SAMMSON: variants seen among roughly 807,000 people sequenced by gnomAD.
SAMMSON encodes the protein survival associated mitochondrial melanoma specific oncogenic non-coding RNA, also known as long intergenic non-protein coding RNA 1212.
At chr3:70,099,800 T>C (rs1488036012) in intron 4 of SAMMSON, among the ~76,000 whole-genome samples, 5 of 152,170 alleles carry the variant, frequency 3.3e-5, no homozygotes, top group Non-Finnish European at 5.9e-5. Context: ...CTTTGGCTGG[T>C]TAACATTTAT....
chr3:70,205,268 G>T (rs868361248), intron 4 of SAMMSON: 17 of 152,034 alleles, frequency 1.1e-4, no homozygotes, highest in African/African-American at 3.6e-4. Context: ...CTGTGTCGAG[G>T]TAGTGACATT....
chr3:70,099,814 T>A (rs1489788866), intron 4 of SAMMSON, among the ~76,000 whole-genome samples: 1 of 152,158 alleles, frequency 6.6e-6, no homozygotes, highest in East Asian at 1.9e-4. Flanking sequence ...CATTTATTAC[T>A]TTTTCATAAC....
intron 4 of SAMMSON, among the ~76,000 whole-genome samples, chr3:70,170,442 A>G (rs1040165027): frequency 5.3e-5 from 8 of 151,864 alleles, no homozygotes; most frequent in African/African-American, 1.9e-4. Flanking sequence ...CTTGAATTTA[A>G]AATTCATTAA....
At chr3:70,126,244 G>A in intron 4 of SAMMSON, 1 of 1,021,386 alleles carries the variant, frequency 9.8e-7, no homozygotes, top group East Asian at 2.6e-5. Flanking sequence ...TCTTCAACAG[G>A]GTCATCAGAC....
intron 7 of SAMMSON, among the ~76,000 whole-genome samples, chr3:70,327,563 C>G (rs1337165199): frequency 6.6e-6 from 1 of 152,132 alleles, no homozygotes; most frequent in African/African-American, 2.4e-5. Flanking sequence ...AAGTCTTCAG[C>G]AAAATATGGC....
chr3:70,340,198 C>T (rs911771030), intron 7 of SAMMSON, among the ~76,000 whole-genome samples: 3 of 140,614 alleles, frequency 2.1e-5, no homozygotes, highest in African/African-American at 8.1e-5. Context: ...ACAATGAGAA[C>T]ACTTGGACAC....
intron 4 of SAMMSON, among the ~76,000 whole-genome samples, chr3:70,184,464 G>T (rs1701077112): frequency 6.6e-6 from 1 of 152,066 alleles, no homozygotes; most frequent in Non-Finnish European, 1.5e-5. Context: ...GGTAAAGAAG[G>T]GTTTAACTTT....
intron 2 of SAMMSON, among the ~76,000 whole-genome samples, chr3:70,420,128 T>A (rs1028146961): frequency 9.9e-5 from 15 of 152,210 alleles, no homozygotes; most frequent in Non-Finnish European, 1.8e-4. Flanking sequence ...TGTCCTTGGA[T>A]AGTAGAGGTG....
rs1013634391 is a variant in SAMMSON at position 70,273,326 on chromosome 3, A to G, written n.675-17853A>G. ...TACTCTAAGGAAAATATGTGTTTAT[A>G]TAGTACTTATCACCTCTTTTTTCTT... On this transcript the variant is annotated intron_variant and non_coding_transcript_variant, in intron 6 of 9. Transcript: ENST00000642114. Among the ~76,000 whole-genome samples, 17 of 152,310 alleles carry G rather than the reference A, an allele frequency of 1.1e-4. No individual in the cohort carries two copies. In the East Asian group the frequency reaches 2.1e-3, roughly 19 times the overall value.
At chr3:70,070,439 A>T (rs1331901458) in intron 3 of SAMMSON, 1 of 152,038 alleles carries the variant, frequency 6.6e-6, no homozygotes, top group African/African-American at 2.4e-5. Context: ...AAAATAAAAT[A>T]AATTGTTTTG....
intron 3 of SAMMSON, among the ~76,000 whole-genome samples, chr3:70,070,793 G>A (rs2067226602): frequency 6.6e-6 from 1 of 152,014 alleles, no homozygotes; most frequent in Admixed American, 6.6e-5. Flanking sequence ...TATATTGAAA[G>A]ACATCGTCTT....
intron 4 of SAMMSON, among the ~76,000 whole-genome samples, chr3:70,203,652 G>C (rs1472510019): frequency 1.3e-5 from 2 of 152,118 alleles, no homozygotes; most frequent in Non-Finnish European, 2.9e-5. Flanking sequence ...GAAATTTACA[G>C]TGTAGAAAAT....
chr3:70,340,330 A>T (rs1010807081), intron 7 of SAMMSON, among the ~76,000 whole-genome samples: 1 of 151,832 alleles, frequency 6.6e-6, no homozygotes, highest in African/African-American at 2.4e-5. Context: ...AACATGGCAC[A>T]TGTATACATA....
chr3:70,190,181 A>G (rs1701120598), intron 4 of SAMMSON, among the ~76,000 whole-genome samples: 1 of 152,234 alleles, frequency 6.6e-6, no homozygotes, highest in South Asian at 2.1e-4. Context: ...TTTTAAAATA[A>G]GAAGAGTTTG....
chr3:70,415,750 T>C lies in SAMMSON; in HGVS notation n.234-46810T>C, dbSNP rs149629679. ...GATGCAATCTTTTGAAGAGTAACAT[T>C]AGAATACTCCAATCCTGCCTGGAAT... On this transcript the variant is annotated intron_variant and non_coding_transcript_variant, in intron 2 of 3. Transcript: ENST00000641053. Among the ~76,000 whole-genome samples the C allele has an allele frequency of 5.9e-4, 90 of 152,336 alleles. 1 individual carries two copies. Among genetic ancestry groups the C allele is most frequent in the African/African-American group, 2.0e-3 (82 of 41,594 alleles).
At chr3:70,026,650 C>T (rs937870838) in intron 3 of SAMMSON, among the ~76,000 whole-genome samples, 72 of 152,140 alleles carry the variant, frequency 4.7e-4, no homozygotes, top group African/African-American at 1.5e-3. Flanking sequence ...TATGGTAGCC[C>T]GAGAGATGCT....
At chr3:70,399,840 G>C (rs1407455970) in intron 2 of SAMMSON, among the ~76,000 whole-genome samples, 1 of 142,476 alleles carries the variant, frequency 7.0e-6, no homozygotes, top group African/African-American at 2.7e-5. Context: ...TCGTGACAGA[G>C]CAAGACTCTG....
intron 6 of SAMMSON, among the ~76,000 whole-genome samples, chr3:70,290,710 A>G (rs1042861038): frequency 6.6e-6 from 1 of 151,950 alleles, no homozygotes; most frequent in Non-Finnish European, 1.5e-5. Context: ...GCAATCAGTG[A>G]GACTCCGTGG....
intron 7 of SAMMSON, among the ~76,000 whole-genome samples, chr3:70,337,062 TAA>T: frequency 3.7e-5 from 3 of 81,348 alleles, no homozygotes; most frequent in African/African-American, 1.1e-4. Flanking sequence ...TTATTATTAA[TAA>T]TAATATCTAA....
Sources: gnomAD v4.1 joint callset for allele counts (sites outside exome capture counted in the v4.1 genomes callset) on GRCh38, gnomAD v4.1.1 for gene constraint, MANE v1.5 for transcripts, NCBI Gene and HGNC (gene_info 2026-07-23, HGNC 2026-07-21) for gene names.